Variants in CFHR5 observed in about 807,000 individuals in gnomAD.
CFHR5 encodes complement factor H-related protein 5.
Under a neutral mutation model 62.9 loss-of-function variants are expected in CFHR5, and 73 were observed. The ratio of observed to expected loss-of-function variants is 1.16; its 90% confidence interval spans 0.96 to 1.41. The LOEUF is 1.41. CFHR5 is among the 40% of genes most tolerant of loss of function. The pLI is 0.00. For missense variants in CFHR5, 779 were observed against 679.9 expected, an observed-to-expected ratio of 1.15 and a Z score of -1.62; for synonymous variants, 249 against 227.2, an observed-to-expected ratio of 1.10 and a Z score of -0.86.
intron 8 of CFHR5, among the ~76,000 whole-genome samples, chr1:197,003,098 G>A (rs1349154378): frequency 9.2e-5 from 14 of 152,060 alleles, no homozygotes; most frequent in Admixed American, 9.2e-4. Flanking sequence ...GGAGGTTGGG[G>A]GATGGTTTCA....
rs575590184 is a variant in CFHR5 at position 197,002,365 on chromosome 1, T to TA, written c.1148-116dup. On this transcript the variant is annotated intron_variant, in intron 7 of 9. Coordinates refer to ENST00000256785, the MANE Select transcript of CFHR5 (RefSeq NM_030787.4). Reference sequence around the variant, plus strand: ...ATAGGGAGAGAGAAAGAGAAAGTGATAGAGAGACATAGTGTGTGTGTGTCA... The same window carrying TA: ...ATAGGGAGAGAGAAAGAGAAAGTGATAAGAGAGACATAGTGTGTGTGTGTCA... The TA allele has an allele frequency of 1.3e-3, 897 of 685,860 alleles. 1 individual carries two copies. Among genetic ancestry groups the TA allele is most frequent in the Admixed American group, 2.3e-3 (87 of 38,416 alleles). 42.5% of individuals were successfully genotyped at this position (685,860 alleles called of 1,614,324 possible).
chr1:196,996,165 A>G lies in CFHR5; in HGVS notation c.934A>G (p.Ile312Val), dbSNP rs1653986707. The G allele has an allele frequency of 6.2e-7, 1 of 1,613,226 alleles. No homozygotes were observed. The highest frequency in any genetic ancestry group is 1.3e-5 in the African/African-American group (1 of 74,996). Residue 312 changes from isoleucine (I) to valine (V), a missense_variant, in exon 6 of 10, where the codon ATT becomes GTT. Ile to Val is a conservative substitution (Grantham distance 29). Transcript: ENST00000256785. ...GATTGGAAATAACATGATTACCTGT[A>G]TTAATGGAATATGGACAGAGCTTCC... ...AMIGNNMITCINGIWTELPMC... is the reference protein window; with the variant it reads ...AMIGNNMITCVNGIWTELPMC...
In CFHR5 at chr1:196,994,105, A is replaced by T. The variant is rs923543554; in HGVS notation, c.456A>T (p.Leu152Phe). Residue 152 changes from leucine (L) to phenylalanine (F), a missense_variant, in exon 4 of 10, where the codon TTA becomes TTT. Transcript: ENST00000256785. ...AAGGAGAATGTCATGTTCCAATTTTAGAAGCCAATGTAGATGCTCAGCCAA... is the reference window on the plus strand; with the variant it reads ...AAGGAGAATGTCATGTTCCAATTTTTGAAGCCAATGTAGATGCTCAGCCAA... ...FTKGECHVPI[L>F]EANVDAQPKK... 2 of 1,613,182 alleles carry T rather than the reference A, an allele frequency of 1.2e-6. No homozygotes were observed. Among genetic ancestry groups the T allele is most frequent in the African/African-American group, 2.7e-5 (2 of 74,864 alleles).
At position 196,994,884 on chromosome 1, in the gene CFHR5, A is replaced by C. The variant is rs116527435; in HGVS notation, c.607+628A>C. Reference sequence around the variant, plus strand: ...GCAGACAAGAGAAGAGAGTTTGTGCAGGGAAACCTCCCTTTATAAAACCAT... The same window carrying C: ...GCAGACAAGAGAAGAGAGTTTGTGCCGGGAAACCTCCCTTTATAAAACCAT... On this transcript the variant is annotated intron_variant, in intron 4 of 9. Coordinates refer to ENST00000256785, the MANE Select transcript of CFHR5 (RefSeq NM_030787.4). Among the ~76,000 whole-genome samples the C allele has an allele frequency of 7.4e-3, 1,119 of 152,230 alleles. 19 individuals carry two copies. The highest frequency in any genetic ancestry group is 0.023 in the African/African-American group (967 of 41,516).
At chr1:196,996,944 T>G (rs1654007394) in intron 6 of CFHR5, among the ~76,000 whole-genome samples, 1 of 152,058 alleles carries the variant, frequency 6.6e-6, no homozygotes, top group African/African-American at 2.4e-5. Flanking sequence ...GCCTCAGGAC[T>G]TCCAGCCTTG....
chr1:196,988,967 C>T (rs1039639348), intron 3 of CFHR5, among the ~76,000 whole-genome samples: 1 of 152,088 alleles, frequency 6.6e-6, no homozygotes, highest in African/African-American at 2.4e-5. Flanking sequence ...CTTTGAACCT[C>T]TGGTAGAATT....
intron 5 of CFHR5, 47 bp from the exon 6 acceptor site, chr1:196,995,975 T>A (rs759599194): frequency 1.2e-6 from 2 of 1,600,530 alleles, no homozygotes; most frequent in Non-Finnish European, 1.7e-6. Flanking sequence ...TGTAAACAGA[T>A]TTAAAATATT....
intron 3 of CFHR5, among the ~76,000 whole-genome samples, chr1:196,987,208 A>G (rs968706022): frequency 6.6e-6 from 1 of 151,194 alleles, no homozygotes; most frequent in East Asian, 1.9e-4. Flanking sequence ...CCACTTTTTG[A>G]TGGGGTTTTT....
At position 197,004,720 on chromosome 1, in the gene CFHR5, C is replaced by G; in HGVS notation, c.1390C>G (p.Pro464Ala). 1 of 1,613,348 alleles carries G rather than the reference C, an allele frequency of 6.2e-7. No individual in the cohort carries two copies. Among genetic ancestry groups the G allele is most frequent in the Non-Finnish European group, 8.5e-7 (1 of 1,179,434 alleles). The change falls in exon 9 of 10, where the codon CCA becomes GCA. Residue 464 changes from proline to alanine, a missense_variant. Coordinates refer to ENST00000256785, the MANE Select transcript of CFHR5 (RefSeq NM_030787.4). The stretch of plus-strand genomic sequence containing the variant: ...TAACAATGGAGATACCACCTCATTC[C>G]CATTATCAGTATATCCTCCAGGGTC... ...SINNGDTTSF[P>A]LSVYPPGSTV... is the part of the protein sequence containing the mutation.
upstream of CFHR5, chr1:196,977,444 G>A (rs1653425497): frequency 1.7e-6 from 1 of 579,998 alleles, no homozygotes; most frequent in African/African-American, 1.9e-5. Context: ...TACATAACGA[G>A]CTGAGAATAT....
intron 1 of CFHR5, among the ~76,000 whole-genome samples, chr1:196,979,187 A>G (rs1032024413): frequency 1.2e-4 from 19 of 152,196 alleles, no homozygotes; most frequent in Middle Eastern, 6.8e-3. Flanking sequence ...TACTACTTAG[A>G]GTGTCCTAAA....
chr1:196,979,854 T>G (rs190709546), intron 1 of CFHR5, among the ~76,000 whole-genome samples: 2 of 152,242 alleles, frequency 1.3e-5, no homozygotes, highest in Non-Finnish European at 2.9e-5. Context: ...TTTAAAACTT[T>G]TCTTCAATAA....
rs2125024000 is a variant in CFHR5, at chr1:196,977,684, T to C, written c.20T>C (p.Val7Ala). Residue 7 changes from valine (V) to alanine (A), a missense_variant, in exon 1 of 10, where the codon GTA becomes GCA. Transcript: ENST00000256785. ...CCAAGCATGTTGCTCTTATTCAGTG[T>C]AATCCTAATCTCATGGGTATCCACT... MLLLFS[V>A]ILISWVSTVG... The C allele has an allele frequency of 6.2e-7, 1 of 1,613,038 alleles. No individual in the cohort carries two copies. Among genetic ancestry groups the C allele is most frequent in the East Asian group, 2.2e-5 (1 of 44,790 alleles).
upstream of CFHR5, among the ~76,000 whole-genome samples, chr1:196,975,446 G>A (rs967422229): frequency 1.3e-5 from 2 of 152,180 alleles, no homozygotes; most frequent in Non-Finnish European, 2.9e-5. Flanking sequence ...AATGATACAG[G>A]TGAGAAGGAA....
At chr1:196,995,008 G>A (rs1421480240) in intron 4 of CFHR5, among the ~76,000 whole-genome samples, 1 of 152,062 alleles carries the variant, frequency 6.6e-6, no homozygotes, top group East Asian at 1.9e-4. Context: ...ACAACACATA[G>A]GAATTGTGGG....
rs184397243 is a variant in CFHR5, at chr1:197,005,374, C to A, written c.1513+531C>A. ...GAGCCACTTTCTAAATCTTCACTAT[C>A]CCTTCTTTTCACCCTATTTTTTTCT... On this transcript the variant is annotated intron_variant, in intron 9 of 9. Coordinates refer to ENST00000256785, the MANE Select transcript of CFHR5 (RefSeq NM_030787.4). 7.2e-5 allele frequency among the ~76,000 whole-genome samples: 11 copies of A among 152,186 alleles called. No homozygotes were observed. The East Asian group carries it at 2.1e-3, about 29-fold the overall frequency.
At chr1:196,985,537 G>C (rs1024386334) in intron 3 of CFHR5, among the ~76,000 whole-genome samples, 14 of 151,700 alleles carry the variant, frequency 9.2e-5, no homozygotes, top group African/African-American at 2.7e-4. Context: ...GAAAATTCCA[G>C]TGATTGAAAA....
chr1:196,975,480 C>T (rs1228811283), upstream of CFHR5, among the ~76,000 whole-genome samples: 2 of 152,084 alleles, frequency 1.3e-5, no homozygotes, highest in East Asian at 1.9e-4. Flanking sequence ...AAAATCCTTG[C>T]ACAGAAAAGA....
At chr1:196,991,988 C>G (rs578184751) in intron 3 of CFHR5, among the ~76,000 whole-genome samples, 2 of 152,200 alleles carry the variant, frequency 1.3e-5, no homozygotes, top group African/African-American at 2.4e-5. Context: ...ATGCCCTGCC[C>G]CCAGAGGTGG....
Sources: gnomAD v4.1 joint callset for allele counts (sites outside exome capture counted in the v4.1 genomes callset) on GRCh38, gnomAD v4.1.1 for gene constraint, MANE v1.5 for transcripts, NCBI Gene and HGNC (gene_info 2026-07-23, HGNC 2026-07-21) for gene names.